Variants in TACR3 observed in about 807,000 individuals in gnomAD.
TACR3 encodes the protein neuromedin-K receptor.
TACR3 carries 34 observed loss-of-function variants against 35.0 expected under a neutral mutation model. The observed-to-expected ratio is 0.97, with a 90% CI of 0.74 to 1.30. TACR3 has a LOEUF of 1.30. Among genes scored for constraint, TACR3 ranks in the 50% most tolerant of loss-of-function variants. The probability of loss-of-function intolerance (pLI) is 0.00; values close to 1 mark genes in which losing one functional copy is unlikely to be tolerated. For synonymous variants in TACR3, 233 were observed against 221.1 expected (o/e 1.05, Z -0.48); for missense variants, 558 against 591.7 (o/e 0.94, Z 0.59).
intron 3 of TACR3, among the ~76,000 whole-genome samples, chr4:103,622,748 C>T (rs1175162476): frequency 6.6e-6 from 1 of 151,910 alleles, no homozygotes; most frequent in Non-Finnish European, 1.5e-5. Context: ...CCAACCCCCA[C>T]ATAAAAAAGA....
At chr4:103,603,078 C>T (rs1472205061) in intron 3 of TACR3, among the ~76,000 whole-genome samples, 2 of 152,238 alleles carry the variant, frequency 1.3e-5, no homozygotes, top group Non-Finnish European at 2.9e-5. Flanking sequence ...CCTAATCATA[C>T]AACTAACTCA....
intron 3 of TACR3, among the ~76,000 whole-genome samples, chr4:103,622,285 G>A (rs1404746719): frequency 1.3e-5 from 2 of 152,232 alleles, no homozygotes; most frequent in Non-Finnish European, 1.5e-5. Flanking sequence ...AGAGATGTGA[G>A]CATACTTACA....
intron 1 of TACR3, among the ~76,000 whole-genome samples, chr4:103,672,068 A>G (rs1250860817): frequency 6.6e-6 from 1 of 152,110 alleles, no homozygotes; most frequent in Non-Finnish European, 1.5e-5. Flanking sequence ...ATTTAAATAA[A>G]CCACTTTCTT....
In TACR3 at chr4:103,610,729, C is replaced by A. The variant is rs147934627; in HGVS notation, c.889-19046G>T. ...AGATCAATGTCATAAAGCATTTCCCCATAAATTTGTCTAGTAGTTTCATAG... is the reference window on the plus strand; with the variant it reads ...AGATCAATGTCATAAAGCATTTCCCAATAAATTTGTCTAGTAGTTTCATAG... On this transcript the variant is annotated intron_variant, in intron 3 of 4. Transcript: ENST00000304883. Among the ~76,000 whole-genome samples the A allele has an allele frequency of 4.9e-3, 739 of 152,178 alleles. 7 individuals are homozygous for A. The highest frequency in any genetic ancestry group is 0.016 in the African/African-American group (678 of 41,542).
intron 3 of TACR3, among the ~76,000 whole-genome samples, chr4:103,645,012 G>C (rs1442251248): frequency 1.3e-5 from 2 of 151,688 alleles, no homozygotes; most frequent in African/African-American, 4.8e-5. Context: ...TAATTTCAAG[G>C]TTTTTTTAAA....
intron 1 of TACR3, among the ~76,000 whole-genome samples, chr4:103,667,012 C>T (rs547928361): frequency 3.2e-4 from 48 of 152,164 alleles, no homozygotes; most frequent in African/African-American, 1.1e-3. Flanking sequence ...AATCCCAGCA[C>T]TTCAGGAGGC....
rs145729898 is a variant in TACR3 at position 103,668,733 on chromosome 4, CA to C, written c.549-10331del. Among the ~76,000 whole-genome samples the C allele has an allele frequency of 4.7e-3, 718 of 151,712 alleles. 7 individuals are homozygous for C. Among genetic ancestry groups the C allele is most frequent in the African/African-American group, 0.016 (676 of 41,312 alleles). On this transcript the variant is annotated intron_variant, in intron 1 of 4. Transcript: ENST00000304883. ...TCATGGTGACATGCACCTGTAATCC[CA>C]GCTACTCAGGAGGCTGAGGCAGGAG...
chr4:103,631,867 A>T (rs1725074349), intron 3 of TACR3, among the ~76,000 whole-genome samples: 1 of 152,158 alleles, frequency 6.6e-6, no homozygotes, highest in South Asian at 2.1e-4. Context: ...AGAGCCTAGA[A>T]TTTGCTTGTG....
intron 1 of TACR3, among the ~76,000 whole-genome samples, chr4:103,706,012 A>G (rs1269815508): frequency 6.6e-6 from 1 of 152,154 alleles, no homozygotes; most frequent in Non-Finnish European, 1.5e-5. Flanking sequence ...TTAAGCCTGG[A>G]TGCGGGGAGA....
chr4:103,632,301 T>C (rs1725084513), intron 3 of TACR3, among the ~76,000 whole-genome samples: 1 of 152,118 alleles, frequency 6.6e-6, no homozygotes, highest in Non-Finnish European at 1.5e-5. Flanking sequence ...CCATCAATGA[T>C]AGGCTGAATA....
At chr4:103,630,932 A>G (rs1294488490) in intron 3 of TACR3, among the ~76,000 whole-genome samples, 1 of 152,222 alleles carries the variant, frequency 6.6e-6, no homozygotes, top group Admixed American at 6.5e-5. Context: ...AACCAACCCA[A>G]ATGTCCATCA....
chr4:103,624,540 A>G (rs1299338139), intron 3 of TACR3: 1 of 152,210 alleles, frequency 6.6e-6, no homozygotes, highest in Non-Finnish European at 1.5e-5. Context: ...AGTAAAGTAT[A>G]TAGGTGTATA....
intron 3 of TACR3, among the ~76,000 whole-genome samples, chr4:103,600,603 A>G (rs1724171726): frequency 6.6e-6 from 1 of 152,212 alleles, no homozygotes; most frequent in East Asian, 1.9e-4. Flanking sequence ...ATTTAGTGCT[A>G]TAAATTTCCC....
chr4:103,686,818 C>G (rs891061982), intron 1 of TACR3, among the ~76,000 whole-genome samples: 1 of 152,086 alleles, frequency 6.6e-6, no homozygotes, highest in African/African-American at 2.4e-5. Flanking sequence ...ACCAGAGGTA[C>G]AAGGAGGAAC....
At chr4:103,649,405 A>C (rs1278846326) in intron 3 of TACR3, among the ~76,000 whole-genome samples, 1 of 152,068 alleles carries the variant, frequency 6.6e-6, no homozygotes, top group Non-Finnish European at 1.5e-5. Flanking sequence ...TTTGTGTAGT[A>C]GTTTCATAGT....
intron 1 of TACR3, among the ~76,000 whole-genome samples, chr4:103,704,698 G>C (rs1020003047): frequency 6.6e-6 from 1 of 152,116 alleles, no homozygotes; most frequent in African/African-American, 2.4e-5. Context: ...GATTATGGGG[G>C]TTACAATTCA....
chr4:103,709,640 A>C (rs1295015626), intron 1 of TACR3, among the ~76,000 whole-genome samples: 1 of 152,220 alleles, frequency 6.6e-6, no homozygotes, highest in African/African-American at 2.4e-5. Context: ...TGACAGGATC[A>C]AATTCGCACA....
intron 3 of TACR3, among the ~76,000 whole-genome samples, chr4:103,598,987 G>A (rs902594183): frequency 3.2e-4 from 48 of 152,270 alleles, no homozygotes; most frequent in African/African-American, 1.1e-3. Flanking sequence ...CCAGTTCTGT[G>A]AAGAAAGTCA....
At chr4:103,680,514 T>TATATATAC (rs1560528622) in intron 1 of TACR3, among the ~76,000 whole-genome samples, 90 of 147,518 alleles carry the variant, frequency 6.1e-4, no homozygotes, top group African/African-American at 1.3e-3. Context: ...CACACACACA[T>TATATATAC]ATATATATAC....
Sources: allele counts gnomAD v4.1 joint callset (sites outside exome capture counted in the v4.1 genomes callset), GRCh38; gene constraint gnomAD v4.1.1; transcripts MANE v1.5; gene names NCBI Gene and HGNC (gene_info 2026-07-23, HGNC 2026-07-21).